Variants in KAT6A observed in about 807,000 individuals in gnomAD.
The protein encoded by KAT6A is lysine acetyltransferase 6A.
KAT6A carries 9 observed loss-of-function variants against 198.4 expected under a neutral mutation model. The ratio of observed to expected loss-of-function variants is 0.05; its 90% CI spans 0.03 to 0.08. The LOEUF is 0.08. Ranked by LOEUF, KAT6A falls within the 10% of genes least tolerant of loss-of-function variation. The probability of loss-of-function intolerance (pLI) is 1.00; values close to 1 mark genes in which losing one functional copy is unlikely to be tolerated. For missense variants in KAT6A, 2,077 were observed against 2,509.9 expected (o/e 0.83, Z 3.69); for synonymous variants, 890 against 883.0 (o/e 1.01, Z -0.14).
intron 2 of KAT6A, among the ~76,000 whole-genome samples, chr8:42,031,048 G>GGA (rs1208736180): frequency 8.1e-6 from 1 of 124,020 alleles, no homozygotes; most frequent in East Asian, 2.8e-4. Flanking sequence ...AGGGGGGGGG[G>GGA]ACAGGAGAAA....
chr8:41,933,438 G>A lies in KAT6A; in HGVS notation c.4782C>T (p.Ser1594=). 2.5e-6 allele frequency: 4 copies of A among 1,612,656 alleles called. No homozygotes were observed. Among genetic ancestry groups the A allele is most frequent in the Non-Finnish European group, 3.4e-6 (4 of 1,179,442 alleles). ...QSSCSYGGLS[S]SSSLTQSSCV... is the part of the protein sequence containing the mutation. ...AGCTGCTCTGGGTGAGGCTGCTGGA[G>A]GACGACAGCCCACCGTAGGAGCAGC... Residue 1594 remains serine (S), a synonymous_variant, in exon 17 of 17, where the codon TCC becomes TCT. Coordinates refer to ENST00000265713, the MANE Select transcript of KAT6A (RefSeq NM_006766.5). This position sits in a 1 kb window ranked among gnomAD's most constrained non-coding sequence, Gnocchi z 6.2.
At chr8:41,957,275 G>A (rs1822970059) in intron 8 of KAT6A, 1 of 564,632 alleles carries the variant, frequency 1.8e-6, no homozygotes, top group African/African-American at 1.9e-5. Flanking sequence ...GCTCATGTGT[G>A]AGCCCGCCTC....
chr8:41,975,198 TGAGTAGCTACC>T (rs1247204384), intron 7 of KAT6A, among the ~76,000 whole-genome samples: 2 of 152,114 alleles, frequency 1.3e-5, no homozygotes, highest in African/African-American at 4.8e-5. Context: ...AAAAACCTCT[TGAGTAGCTACC>T]TTAACTGATG....
intron 7 of KAT6A, among the ~76,000 whole-genome samples, chr8:41,975,303 A>G (rs940857451): frequency 2.0e-5 from 3 of 152,172 alleles, no homozygotes; most frequent in Non-Finnish European, 4.4e-5. Flanking sequence ...TTTAAAGCAC[A>G]AACTCTATTT....
intron 2 of KAT6A, among the ~76,000 whole-genome samples, chr8:42,007,926 T>C (rs1014594077): frequency 1.2e-4 from 15 of 127,488 alleles, no homozygotes; most frequent in Admixed American, 2.9e-4. Context: ...CGTGCCACTG[T>C]ACTCCAGCCT....
intron 16 of KAT6A, 43 bp downstream of exon 16, chr8:41,937,213 C>T (rs745654792): frequency 1.3e-6 from 2 of 1,493,826 alleles, no homozygotes; most frequent in Non-Finnish European, 1.8e-6. Flanking sequence ...TGCTATATAT[C>T]TGAAGACAAT....
Position 41,929,531 on chromosome 8 carries a change from T to C in KAT6A, c.*2674A>G, listed in dbSNP as rs1821417951. Reference sequence around the variant, plus strand: ...TTTATGTTAAAATGTACAGAGTTCTTTTGAAAGTACTTGCTAGAAAGGGGA... The same window carrying C: ...TTTATGTTAAAATGTACAGAGTTCTCTTGAAAGTACTTGCTAGAAAGGGGA... On this transcript the variant is annotated 3_prime_UTR_variant, in exon 17 of 17. Coordinates refer to ENST00000265713, the MANE Select transcript of KAT6A (RefSeq NM_006766.5). 2 of 184,650 alleles carry C rather than the reference T, an allele frequency of 1.1e-5. No homozygotes were observed. Among genetic ancestry groups the C allele is most frequent in the Non-Finnish European group, 2.3e-5 (2 of 86,990 alleles). 11.4% of individuals were successfully genotyped at this position (184,650 alleles called of 1,614,324 possible). A position where few individuals can be genotyped will look rare whatever the true frequency, so the allele number is the denominator to read the frequency against.
chr8:41,932,374 T>C lies in KAT6A; in HGVS notation c.5846A>G (p.Tyr1949Cys), dbSNP rs770347561. 2 of 1,614,236 alleles carry C rather than the reference T, an allele frequency of 1.2e-6. No homozygotes were observed. Among genetic ancestry groups the C allele is most frequent in the Non-Finnish European group, 1.7e-6 (2 of 1,180,040 alleles). ...NPAYMNQTAQ[Y>C]PMQMQMGMMG... Reference sequence around the variant, plus strand: ...CATTCCCATCTGCATCTGCATAGGATACTGTGCTGTCTGGTTCATGTAGGC... The same window carrying C: ...CATTCCCATCTGCATCTGCATAGGACACTGTGCTGTCTGGTTCATGTAGGC... The change falls in exon 17 of 17, where the codon TAT (tyrosine) becomes TGT (cysteine). Residue 1949 changes from tyrosine (Y) to cysteine (C), a missense_variant. Around this residue, in one of 13 missense-constraint regions of KAT6A, gnomAD observed 500 missense variants for 577.2 expected, o/e 0.87. Transcript: ENST00000265713.
At position 41,978,775 on chromosome 8, in the gene KAT6A, T is replaced by G. The variant is rs1824199927; in HGVS notation, c.910A>C (p.Met304Leu). 6.2e-7 allele frequency: 1 copy of G among 1,612,466 alleles called. No individual in the cohort carries two copies. Among genetic ancestry groups the G allele is most frequent in the African/African-American group, 1.3e-5 (1 of 74,818 alleles). Residue 304 changes from methionine (M) to leucine (L), a missense_variant and splice_region_variant, in exon 6 of 17, where the codon ATG (methionine) becomes CTG (leucine). Met to Leu is a conservative substitution (Grantham distance 15). Transcript: ENST00000265713. Reference protein sequence around the residue: ...DPPLTRMPKGMWICQICRPRK... With the variant: ...DPPLTRMPKGLWICQICRPRK... ...GGTCGACATATTTGACATATCCACA[T>G]GCCTATAAAAAAATAAAATTCCACA...
chr8:41,963,838 C>T (rs868867814), intron 8 of KAT6A, among the ~76,000 whole-genome samples: 8 of 152,024 alleles, frequency 5.3e-5, no homozygotes, highest in South Asian at 2.1e-4. Context: ...TGATCTAGTA[C>T]CCCTCCAATA....
At chr8:41,963,440 C>T (rs1823305668) in intron 8 of KAT6A, among the ~76,000 whole-genome samples, 1 of 152,198 alleles carries the variant, frequency 6.6e-6, no homozygotes, top group South Asian at 2.1e-4. Context: ...CCAAATAGAA[C>T]ACTAGAAGAC....
intron 2 of KAT6A, among the ~76,000 whole-genome samples, chr8:42,043,294 T>C (rs1366693848): frequency 1.3e-5 from 2 of 152,242 alleles, no homozygotes; most frequent in Non-Finnish European, 2.9e-5. Flanking sequence ...AGATGCTATT[T>C]AAGCCAGTTA....
chr8:42,028,667 TA>T (rs995396083), intron 2 of KAT6A, among the ~76,000 whole-genome samples: 3 of 152,184 alleles, frequency 2.0e-5, no homozygotes, highest in East Asian at 1.9e-4. Flanking sequence ...AATTGGGTCT[TA>T]AAAAAAATCA....
At chr8:42,002,522 C>G (rs1044840829) in intron 2 of KAT6A, among the ~76,000 whole-genome samples, 1 of 152,160 alleles carries the variant, frequency 6.6e-6, no homozygotes, top group African/African-American at 2.4e-5. Flanking sequence ...GACAGCATCA[C>G]TGCACTCCAG....
At chr8:42,035,776 T>G (rs1167587302) in intron 2 of KAT6A, among the ~76,000 whole-genome samples, 1 of 152,190 alleles carries the variant, frequency 6.6e-6, no homozygotes, top group Non-Finnish European at 1.5e-5. Flanking sequence ...GAATATAGAC[T>G]TTTTTCAAGA....
At chr8:41,955,472 A>T (rs1175890630) in intron 8 of KAT6A, 61 bp from the exon 9 acceptor site, 1 of 1,050,138 alleles carries the variant, frequency 9.5e-7, no homozygotes. Flanking sequence ...GATAACAAAG[A>T]AAGTTCTGAA....
chr8:41,946,489 TATATACACACACAC>T (rs1422547071), intron 12 of KAT6A, 88 bp downstream of exon 12: 164 of 453,816 alleles, frequency 3.6e-4, no homozygotes, highest in African/African-American at 1.2e-3. Flanking sequence ...TAAATATATA[TATATACACACACAC>T]ACACACACAC....
In KAT6A at chr8:42,048,617, T is replaced by C. The variant is rs749813012; in HGVS notation, c.361A>G (p.Ile121Val). Residue 121 changes from isoleucine (I) to valine (V), a missense_variant, in exon 2 of 17, where the codon ATT (isoleucine) becomes GTT (valine). Physicochemically the swap from Ile to Val is conservative, Grantham distance 29. Around this residue, in one of 13 missense-constraint regions of KAT6A, gnomAD observed 185 missense variants for 185.7 expected, o/e 1.00. Transcript: ENST00000265713. ...TTCTGACCTTTCAAAAAACGTTCAA[T>C]GCTTTTCAAAGTTGAGCCACCAGAC... ...AESGGSTLKS[I>V]ERFLKGQKDV... 5.0e-6 allele frequency: 8 copies of C among 1,614,080 alleles called. No individual in the cohort carries two copies. The highest frequency in any genetic ancestry group is 5.9e-6 in the Non-Finnish European group (7 of 1,180,036).
At chr8:41,957,328 T>C (rs564627826) in intron 8 of KAT6A, 5 of 552,996 alleles carry the variant, frequency 9.0e-6, no homozygotes, top group African/African-American at 1.9e-5. Flanking sequence ...CAAGGGTGTT[T>C]CCTTTTACGA....
Sources: gnomAD v4.1 joint callset for allele counts (sites outside exome capture counted in the v4.1 genomes callset) on GRCh38, gnomAD v4.1.1 for gene constraint, gnomAD v4.1.1 regional missense constraint, Gnocchi (gnomAD v3.1) non-coding constraint, MANE v1.5 for transcripts, NCBI Gene and HGNC (gene_info 2026-07-23, HGNC 2026-07-21) for gene names.